The following SYT17 variants were observed in gnomAD, a reference collection of about 807,000 sequenced individuals.
SYT17 encodes the protein synaptotagmin 17.
In SYT17, 22 loss-of-function variants were observed where a neutral mutation model predicts 46.7. The observed-to-expected ratio is 0.47, with a 90% confidence interval of 0.34 to 0.67. The LOEUF is 0.67. Among genes scored for constraint, SYT17 ranks in the 30% least tolerant of loss-of-function variants. SYT17 has a pLI of 0.01. For missense variants in SYT17, 519 were observed against 612.8 expected (o/e 0.85, Z 1.62); for synonymous variants, 251 against 248.4 (o/e 1.01, Z -0.10).
chr16:19,257,417 C>T (rs1366306322), intron 7 of SYT17, among the ~76,000 whole-genome samples: 1 of 144,704 alleles, frequency 6.9e-6, no homozygotes, highest in African/African-American at 2.6e-5. Context: ...AAAAGAAAAA[C>T]CTGAAAAAGC....
chr16:19,179,711 C>T (rs938460430), intron 3 of SYT17, among the ~76,000 whole-genome samples: 1 of 152,200 alleles, frequency 6.6e-6, no homozygotes. Flanking sequence ...CAGGGTTCAG[C>T]CCCAGCGGTT....
Position 19,236,051 on chromosome 16 carries a change from C to T in SYT17, c.1228+11213C>T, listed in dbSNP as rs190267785. On this transcript the variant is annotated intron_variant, in intron 7 of 7. Transcript: ENST00000355377. ...TGGGGAGCATTGGCATGGAGACAGG[C>T]GACTCACCCCAGACAACCCCTGAGT... is the stretch of plus-strand genomic sequence containing the variant. 7.9e-5 allele frequency among the ~76,000 whole-genome samples: 12 copies of T among 152,256 alleles called. No individual in the cohort carries two copies. The South Asian group carries it at 1.2e-3, about 16-fold the overall frequency.
intron 5 of SYT17, among the ~76,000 whole-genome samples, chr16:19,221,640 T>C (rs2142861790): frequency 6.6e-6 from 1 of 152,308 alleles, no homozygotes; most frequent in South Asian, 2.1e-4. Context: ...GTTTATTGAG[T>C]ATCTACTATG....
chr16:19,230,938 A>C (rs1596988536), intron 7 of SYT17, among the ~76,000 whole-genome samples: 1 of 152,308 alleles, frequency 6.6e-6, no homozygotes, highest in Non-Finnish European at 1.5e-5. Context: ...AAAGACATCC[A>C]ATTTATGCAG....
intron 7 of SYT17, among the ~76,000 whole-genome samples, chr16:19,251,181 C>T (rs773883492): frequency 1.3e-5 from 2 of 152,000 alleles, no homozygotes; most frequent in Non-Finnish European, 2.9e-5. Context: ...TTTGGGATGC[C>T]GCATATGCCA....
At chr16:19,169,016 C>T (rs188265614) in intron 1 of SYT17, among the ~76,000 whole-genome samples, 2,123 of 151,896 alleles carry the variant, frequency 0.014, 21 homozygotes, top group Middle Eastern at 0.034. Flanking sequence ...CGGGGCGCGC[C>T]AGCCACCCGG....
At chr16:19,223,857 A>G (rs190549685) in intron 6 of SYT17, among the ~76,000 whole-genome samples, 7 of 152,322 alleles carry the variant, frequency 4.6e-5, no homozygotes, top group African/African-American at 1.4e-4. Flanking sequence ...CAATGGTATT[A>G]AGACTGAAGA....
At chr16:19,242,165 A>G (rs1006186433) in intron 7 of SYT17, among the ~76,000 whole-genome samples, 5 of 152,098 alleles carry the variant, frequency 3.3e-5, no homozygotes, top group Non-Finnish European at 7.4e-5. Context: ...AGAAACACAG[A>G]AAAACAGAAA....
intron 5 of SYT17, among the ~76,000 whole-genome samples, chr16:19,222,608 A>G (rs1255898403): frequency 1.3e-5 from 2 of 152,210 alleles, no homozygotes; most frequent in African/African-American, 4.8e-5. Context: ...ATCTGGAACC[A>G]AATCAGCCTC....
At chr16:19,192,853 C>T (rs942430471) in intron 5 of SYT17, among the ~76,000 whole-genome samples, 14 of 152,112 alleles carry the variant, frequency 9.2e-5, no homozygotes, top group Non-Finnish European at 7.4e-5. Context: ...AACAAGCATC[C>T]GAATCAGGTG....
intron 5 of SYT17, chr16:19,211,458 G>A: frequency 1.4e-6 from 1 of 703,846 alleles, no homozygotes; most frequent in Non-Finnish European, 2.6e-6. Context: ...AAAAGGTAAG[G>A]ACCAAGTACC....
At position 19,183,766 on chromosome 16, in the gene SYT17, C is replaced by T; in HGVS notation, c.570C>T (p.Phe190=). The part of the protein sequence containing the change: ...LSKYQLGMLH[F]STQYDLLHNH... ...AGTACCAGCTGGGCATGCTGCACTT[C>T]AGCACTCAGTACGACCTGCTGCACA... is the stretch of plus-strand genomic sequence containing the variant. The change falls in exon 5 of 8, where the codon TTC becomes TTT. Residue 190 remains phenylalanine (F), a synonymous_variant. Transcript: ENST00000355377. The surrounding 1 kb of genome is among the most constrained non-coding windows in gnomAD (Gnocchi z 5.6). The T allele has an allele frequency of 1.2e-6, 2 of 1,614,232 alleles. No individual in the cohort carries two copies. The highest frequency in any genetic ancestry group is 1.6e-4 in the Middle Eastern group (1 of 6,062).
intron 3 of SYT17, among the ~76,000 whole-genome samples, chr16:19,177,511 G>A (rs1296201839): frequency 6.6e-6 from 1 of 152,098 alleles, no homozygotes; most frequent in African/African-American, 2.4e-5. Flanking sequence ...TTACCAAGTG[G>A]GCAGCTGCAT....
At chr16:19,231,548 A>G (rs1236268681) in intron 7 of SYT17, among the ~76,000 whole-genome samples, 1 of 150,216 alleles carries the variant, frequency 6.7e-6, no homozygotes, top group Non-Finnish European at 1.5e-5. Context: ...AAAAAAAAAA[A>G]AAGAAAAGAA....
chr16:19,229,566 G>A (rs1174326597), intron 7 of SYT17, among the ~76,000 whole-genome samples: 1 of 152,180 alleles, frequency 6.6e-6, no homozygotes, highest in Non-Finnish European at 1.5e-5. Context: ...CAACATTAGT[G>A]TTTACAATTT....
chr16:19,261,730 A>G (rs185974867), intron 7 of SYT17, among the ~76,000 whole-genome samples: 56 of 152,298 alleles, frequency 3.7e-4, no homozygotes, highest in African/African-American at 1.2e-3. Flanking sequence ...CTTTTTAACA[A>G]AAAGATTGTG....
In SYT17 at chr16:19,255,095, T is replaced by C. The variant is rs139380376; in HGVS notation, c.1229-11785T>C. On this transcript the variant is annotated intron_variant, in intron 7 of 7. Transcript: ENST00000355377. ...AAATTCGCTCTAAATTTGTTTTCTG[T>C]GCTGAGCTCCCAAGCTCTGTCTAGC... Among the ~76,000 whole-genome samples the C allele has an allele frequency of 3.3e-4, 51 of 152,326 alleles. No individual in the cohort carries two copies. In the East Asian group the frequency reaches 9.6e-3, roughly 29 times the overall value.
intron 5 of SYT17, among the ~76,000 whole-genome samples, chr16:19,210,856 G>A (rs1471218717): frequency 2.6e-5 from 4 of 152,212 alleles, no homozygotes; most frequent in African/African-American, 9.6e-5. Flanking sequence ...TTTGCTAGGT[G>A]AGAGAGAGCG....
chr16:19,260,336 CAAAAAAAAAAAAAAA>C (rs34504914), intron 7 of SYT17, among the ~76,000 whole-genome samples: 1 of 22,884 alleles, frequency 4.4e-5, no homozygotes, highest in Non-Finnish European at 7.1e-5. Context: ...CAGAAAATAC[CAAAAAAAAAAAAAAA>C]AAAAAAAAAA....
Sources: gnomAD v4.1 joint callset for allele counts (sites outside exome capture counted in the v4.1 genomes callset) on GRCh38, gnomAD v4.1.1 for gene constraint, Gnocchi (gnomAD v3.1) non-coding constraint, MANE v1.5 for transcripts, NCBI Gene and HGNC (gene_info 2026-07-23, HGNC 2026-07-21) for gene names.